The following DDX60L variants were observed in gnomAD, a reference collection of about 807,000 sequenced individuals.
DDX60L encodes probable ATP-dependent RNA helicase DDX60-like.
Under a neutral mutation model 211.6 loss-of-function variants are expected in DDX60L, and 191 were observed. The observed-to-expected ratio is 0.90, with a 90% CI of 0.80 to 1.02. The LOEUF (loss-of-function observed/expected upper bound fraction) is 1.02. DDX60L is among the 50% of genes least tolerant of loss of function. The probability of loss-of-function intolerance (pLI) is 0.00; values close to 1 mark genes in which losing one functional copy is unlikely to be tolerated. For missense variants in DDX60L, 2,007 were observed against 1,984.1 expected, an observed-to-expected ratio of 1.01 and a Z score of -0.22; for synonymous variants, 706 against 694.1, an observed-to-expected ratio of 1.02 and a Z score of -0.27.
At chr4:168,467,029 A>C (rs1758079572) in intron 4 of DDX60L, among the ~76,000 whole-genome samples, 1 of 152,182 alleles carries the variant, frequency 6.6e-6, no homozygotes, top group South Asian at 2.1e-4. Flanking sequence ...GACAGGAATC[A>C]AGCTTACATA....
intron 1 of DDX60L, 71 bp from the exon 2 acceptor site, chr4:168,472,880 C>G: frequency 1.6e-6 from 1 of 625,750 alleles, no homozygotes; most frequent in Non-Finnish European, 2.7e-6. Context: ...AATATGGTTA[C>G]ATTTTCCACA....
intron 4 of DDX60L, 95 bp from the exon 5 acceptor site, chr4:168,462,135 G>T: frequency 1.1e-6 from 1 of 885,482 alleles, no homozygotes; most frequent in Non-Finnish European, 1.7e-6. Flanking sequence ...ATACAGGACT[G>T]AACTCATGTG....
intron 10 of DDX60L, among the ~76,000 whole-genome samples, chr4:168,435,696 G>A (rs528325818): frequency 6.6e-6 from 1 of 152,140 alleles, no homozygotes; most frequent in South Asian, 2.1e-4. Context: ...TACCTTCACT[G>A]TCCTACCCTA....
intron 7 of DDX60L, 116 bp from the exon 8 acceptor site, chr4:168,453,398 G>A (rs900290058): frequency 5.5e-6 from 6 of 1,098,862 alleles, no homozygotes; most frequent in Non-Finnish European, 7.6e-6. Flanking sequence ...TTGTGAGAAA[G>A]TCCCCTTCTG....
intron 26 of DDX60L, among the ~76,000 whole-genome samples, chr4:168,399,542 G>A (rs553619950): frequency 2.0e-5 from 3 of 152,234 alleles, no homozygotes; most frequent in Admixed American, 6.5e-5. Flanking sequence ...AGCAACACCC[G>A]TAACAGAATC....
intron 1 of DDX60L, among the ~76,000 whole-genome samples, chr4:168,478,398 T>C (rs544707933): frequency 1.1e-4 from 17 of 152,166 alleles, no homozygotes; most frequent in Non-Finnish European, 2.4e-4. Context: ...ATTAACGGCA[T>C]AGGGAACTAA....
At position 168,449,652 on chromosome 4, in the gene DDX60L, C is replaced by CAAAAAAAAAAAAAAAAA; in HGVS notation, c.997-874_997-873insTTTTTTTTTTTTTTTTT. On this transcript the variant is annotated intron_variant, in intron 8 of 37. Transcript: ENST00000682922. ...AACATTAAAACAAAAAAAAAAAATG[C>CAAAAAAAAAAAAAAAAA]AAAAAAAAAAAAAGAAAAAAGAAAA... Among the ~76,000 whole-genome samples, 52 of 7,906 alleles carry CAAAAAAAAAAAAAAAAA rather than the reference C, an allele frequency of 6.6e-3. 4 individuals are homozygous for CAAAAAAAAAAAAAAAAA. Among genetic ancestry groups the CAAAAAAAAAAAAAAAAA allele is most frequent in the Admixed American group, 0.012 (7 of 588 alleles). 5.2% of individuals were successfully genotyped at this position (7,906 alleles called of 152,430 possible).
Position 168,433,103 on chromosome 4 carries a change from T to C in DDX60L, c.1307A>G (p.Glu436Gly). The change falls in exon 11 of 38, where the codon GAA becomes GGA. Residue 436 changes from glutamate to glycine, a missense_variant. Glu to Gly is a moderately conservative substitution (Grantham distance 98, BLOSUM62 -2). Coordinates refer to ENST00000682922, the MANE Select transcript of DDX60L (RefSeq NM_001012967.3). Reference protein sequence around the residue: ...EKSVIQEISLEKMPSVGFIPM... With the variant: ...EKSVIQEISLGKMPSVGFIPM... Reference sequence around the variant, plus strand: ...AATAAAGCCCACACTAGGCATCTTTTCCAAGGAGATTTCTGAAAACAAATA... The same window carrying C: ...AATAAAGCCCACACTAGGCATCTTTCCCAAGGAGATTTCTGAAAACAAATA... 6.2e-7 allele frequency: 1 copy of C among 1,603,044 alleles called. No individual in the cohort carries two copies. The highest frequency in any genetic ancestry group is 8.5e-7 in the Non-Finnish European group (1 of 1,173,510).
At chr4:168,382,270 A>G (rs956564046) in intron 30 of DDX60L, among the ~76,000 whole-genome samples, 3 of 152,242 alleles carry the variant, frequency 2.0e-5, no homozygotes, top group Non-Finnish European at 4.4e-5. Context: ...AACTGCATCC[A>G]TTCTTTAAAA....
chr4:168,441,202 C>T, intron 10 of DDX60L, 135 bp downstream of exon 10: 1 of 821,726 alleles, frequency 1.2e-6, no homozygotes, highest in East Asian at 2.6e-5. Context: ...GTATTTTAAA[C>T]CTCAATTAAG....
Position 168,390,123 on chromosome 4 carries a change from C to T in DDX60L, c.3915+1417G>A, listed in dbSNP as rs553155277. The T allele has an allele frequency of 1.4e-3, 1,396 of 985,216 alleles. 1 individual carries two copies. Among genetic ancestry groups the T allele is most frequent in the South Asian group, 2.6e-3 (56 of 21,236 alleles). The allele number at this position is 985,216 out of a possible 1,614,324, so 61.0% of individuals were successfully genotyped here. On this transcript the variant is annotated intron_variant, in intron 29 of 37. Transcript: ENST00000682922. Reference sequence around the variant, plus strand: ...ATTCACAGAGAAAGTATATTTTATTCTGTCCTAGGAGATAATGCTAAGTCA... The same window carrying T: ...ATTCACAGAGAAAGTATATTTTATTTTGTCCTAGGAGATAATGCTAAGTCA...
rs189472897 is a variant in DDX60L at position 168,420,299 on chromosome 4, A to C, written c.2476T>G (p.Phe826Val). Residue 826 changes from phenylalanine to valine, a missense_variant, in exon 18 of 38, where the codon TTT becomes GTT. Coordinates refer to ENST00000682922, the MANE Select transcript of DDX60L (RefSeq NM_001012967.3). ...LPAGRTLCGA[F>V]TRDYCHNVLN... ...ACATTGTGACAATAATCTCTTGTAA[A>C]AGCACCGCATAGAGTTCTGCCGGCA... is the stretch of plus-strand genomic sequence containing the variant. 1.6e-3 allele frequency: 2,566 copies of C among 1,607,592 alleles called. 5 individuals are homozygous for C. Among genetic ancestry groups the C allele is most frequent in the Non-Finnish European group, 2.0e-3 (2,330 of 1,177,752 alleles).
chr4:168,404,183 T>A (rs1747342550), intron 24 of DDX60L, 77 bp from the exon 25 acceptor site: 2 of 1,025,224 alleles, frequency 2.0e-6, no homozygotes, highest in Non-Finnish European at 2.7e-6. Flanking sequence ...AATTATTTTG[T>A]TGTCTAAAAT....
At chr4:168,402,095 C>G (rs1253542564) in intron 25 of DDX60L, among the ~76,000 whole-genome samples, 1 of 150,348 alleles carries the variant, frequency 6.7e-6, no homozygotes, top group Non-Finnish European at 1.5e-5. Flanking sequence ...AAGATTAGAA[C>G]CCGGGCAACT....
intron 30 of DDX60L, among the ~76,000 whole-genome samples, chr4:168,381,115 T>A (rs1452014490): frequency 2.0e-5 from 3 of 152,190 alleles, no homozygotes; most frequent in Non-Finnish European, 4.4e-5. Flanking sequence ...AACTAGAACT[T>A]GTATTTGAAA....
intron 10 of DDX60L, among the ~76,000 whole-genome samples, chr4:168,439,720 GA>G (rs568010146): frequency 1.4e-4 from 22 of 152,170 alleles, no homozygotes; most frequent in Non-Finnish European, 2.2e-4. Context: ...ATCTTCAAAA[GA>G]ACAAAGTTGG....
At chr4:168,441,935 C>T (rs1442403230) in intron 9 of DDX60L, among the ~76,000 whole-genome samples, 1 of 152,088 alleles carries the variant, frequency 6.6e-6, no homozygotes. Context: ...TACATATAAG[C>T]TTGCAACTTT....
intron 32 of DDX60L, 83 bp from the exon 33 acceptor site, chr4:168,378,558 T>A: frequency 8.6e-7 from 1 of 1,162,754 alleles, no homozygotes; most frequent in South Asian, 1.8e-5. Context: ...TTATAGTACA[T>A]TTCCTTTTGT....
rs750667815 is a variant in DDX60L at position 168,421,716 on chromosome 4, A to T, written c.2394+44T>A. 3.1e-6 allele frequency: 5 copies of T among 1,605,994 alleles called. No homozygotes were observed. In the Admixed American group the frequency reaches 5.0e-5, roughly 16 times the overall value. On this transcript the variant is annotated intron_variant, in intron 17 of 37. Transcript: ENST00000682922. Reference sequence around the variant, plus strand: ...ACCGTGTGCATTCTTTTTAAAGGGGATGTTCAGGAACAAAAGCAAAAATGA... The same window carrying T: ...ACCGTGTGCATTCTTTTTAAAGGGGTTGTTCAGGAACAAAAGCAAAAATGA...
Sources: gnomAD v4.1 joint callset for allele counts (sites outside exome capture counted in the v4.1 genomes callset) on GRCh38, gnomAD v4.1.1 for gene constraint, MANE v1.5 for transcripts, NCBI Gene and HGNC (gene_info 2026-07-23, HGNC 2026-07-21) for gene names.